RAP1GDS1: variants seen among roughly 807,000 people sequenced by gnomAD.
RAP1GDS1 encodes Rap1 GTPase-GDP dissociation stimulator 1, also known as RAP1, GTP-GDP dissociation stimulator 1.
In RAP1GDS1, 35 loss-of-function variants were observed where a neutral mutation model predicts 71.1. The observed-to-expected ratio is 0.49, with a 90% confidence interval of 0.38 to 0.65. The LOEUF is 0.65. Among genes scored for constraint, RAP1GDS1 ranks in the 30% least tolerant of loss-of-function variants. RAP1GDS1 has a pLI of 0.00. For missense variants in RAP1GDS1, 663 were observed against 706.1 expected, an observed-to-expected ratio of 0.94 and a Z score of 0.69; for synonymous variants, 229 against 243.1, an observed-to-expected ratio of 0.94 and a Z score of 0.54.
chr4:98,435,842 C>T (rs963967189), intron 13 of RAP1GDS1, among the ~76,000 whole-genome samples: 29 of 149,682 alleles, frequency 1.9e-4, no homozygotes, highest in African/African-American at 6.6e-4. Flanking sequence ...GAGGCCGAGG[C>T]GGGTGGATCA....
chr4:98,431,829 C>T (rs541933930), intron 12 of RAP1GDS1, among the ~76,000 whole-genome samples: 3 of 152,226 alleles, frequency 2.0e-5, no homozygotes, highest in East Asian at 1.9e-4. Context: ...GTGACGAATA[C>T]GATGTTTTAT....
At chr4:98,413,682 A>G (rs1008876935) in intron 7 of RAP1GDS1, among the ~76,000 whole-genome samples, 3 of 151,968 alleles carry the variant, frequency 2.0e-5, no homozygotes, top group Admixed American at 6.6e-5. Flanking sequence ...ATAAACATAC[A>G]TGTGCATGTG....
In RAP1GDS1 at chr4:98,434,008, A is replaced by G. The variant is rs1349045126; in HGVS notation, c.1513A>G (p.Ile505Val). The G allele has an allele frequency of 1.9e-6, 3 of 1,613,902 alleles. No individual in the cohort carries two copies. Among genetic ancestry groups the G allele is most frequent in the East Asian group, 4.5e-5 (2 of 44,856 alleles). ...LVTMATSEHV[I>V]MQNEALVALA... ...TACCATGGCAACTAGTGAACATGTA[A>G]TAATGCAGAATGAAGCTCTTGTTGC... Residue 505 changes from isoleucine to valine, a missense_variant, in exon 13 of 15, where the codon ATA (isoleucine) becomes GTA (valine). Transcript: ENST00000408927.
intron 5 of RAP1GDS1, among the ~76,000 whole-genome samples, chr4:98,381,706 G>C (rs575109637): frequency 2.0e-5 from 3 of 151,622 alleles, no homozygotes; most frequent in African/African-American, 7.2e-5. Flanking sequence ...GTAAAATATT[G>C]AGTGACAAAT....
At chr4:98,359,842 G>A (rs925257853) in intron 4 of RAP1GDS1, among the ~76,000 whole-genome samples, 3 of 152,138 alleles carry the variant, frequency 2.0e-5, no homozygotes, top group South Asian at 2.1e-4. Flanking sequence ...ACAGGAGGCC[G>A]GGTGTGGTGT....
At chr4:98,423,306 G>A (rs181516820) in intron 12 of RAP1GDS1, among the ~76,000 whole-genome samples, 1 of 152,304 alleles carries the variant, frequency 6.6e-6, no homozygotes, top group East Asian at 1.9e-4. Context: ...AAAGCACAGA[G>A]ATGTAAAACA....
At chr4:98,307,325 A>G (rs1350612499) in intron 2 of RAP1GDS1, among the ~76,000 whole-genome samples, 2 of 151,978 alleles carry the variant, frequency 1.3e-5, no homozygotes, top group Non-Finnish European at 2.9e-5. Flanking sequence ...AGCTTTATGG[A>G]GGAAGTTTCC....
intron 7 of RAP1GDS1, among the ~76,000 whole-genome samples, chr4:98,405,230 G>A (rs780530514): frequency 6.6e-6 from 1 of 152,090 alleles, no homozygotes; most frequent in African/African-American, 2.4e-5. Flanking sequence ...AAATAATTTA[G>A]AAGGAAACTA....
chr4:98,426,750 C>A (rs961732427), intron 12 of RAP1GDS1, among the ~76,000 whole-genome samples: 2 of 151,964 alleles, frequency 1.3e-5, no homozygotes, highest in African/African-American at 4.8e-5. Flanking sequence ...AAAAAAAAGT[C>A]CAGGACCAGA....
chr4:98,423,201 G>A (rs937712539), intron 12 of RAP1GDS1, among the ~76,000 whole-genome samples: 1 of 152,188 alleles, frequency 6.6e-6, no homozygotes, highest in Non-Finnish European at 1.5e-5. Flanking sequence ...TGCCATAGAA[G>A]GAGTGCTATT....
In RAP1GDS1 at chr4:98,288,770, C is replaced by A. The variant is rs575409874; in HGVS notation, c.5-4638C>A. 1.1e-3 allele frequency among the ~76,000 whole-genome samples: 172 copies of A among 152,208 alleles called. 1 individual carries two copies. In the South Asian group the frequency reaches 0.018, roughly 16 times the overall value. On this transcript the variant is annotated intron_variant, in intron 1 of 14. Coordinates refer to ENST00000408927, the MANE Select transcript of RAP1GDS1 (RefSeq NM_001100427.2). ...CTCATTGTGGTTTTGATTTGCATTT[C>A]TCTTAAGGCCTAGTGATGATGAGCA... is the stretch of plus-strand genomic sequence containing the variant.
rs573260072 is a variant in RAP1GDS1 at position 98,392,135 on chromosome 4, A to T, written c.637+55A>T. 323 of 1,483,068 alleles carry T rather than the reference A, an allele frequency of 2.2e-4. No homozygotes were observed. In the South Asian group the frequency reaches 4.2e-3, roughly 19 times the overall value. 91.9% of individuals were successfully genotyped at this position (1,483,068 alleles called of 1,614,324 possible). A position where few individuals can be genotyped will look rare whatever the true frequency, so the allele number is the denominator to read the frequency against. On this transcript the variant is annotated intron_variant, in intron 6 of 14. Transcript: ENST00000408927. ...ATTAACTTATTAATGTGCTTACAAT[A>T]AATTTTTCTGTAGATATTAAGAAGC...
chr4:98,356,725 TATATG>T (rs1738030390), intron 4 of RAP1GDS1, among the ~76,000 whole-genome samples: 1 of 152,064 alleles, frequency 6.6e-6, no homozygotes, highest in African/African-American at 2.4e-5. Flanking sequence ...CACTTAAGCT[TATATG>T]ATATGCTATC....
intron 2 of RAP1GDS1, among the ~76,000 whole-genome samples, chr4:98,299,547 C>T (rs181484432): frequency 9.9e-5 from 15 of 151,578 alleles, no homozygotes; most frequent in Non-Finnish European, 1.3e-4. Context: ...AAGATGTGAC[C>T]GAATTGCTAT....
chr4:98,431,456 A>G (rs765467190), intron 12 of RAP1GDS1, among the ~76,000 whole-genome samples: 1 of 152,258 alleles, frequency 6.6e-6, no homozygotes, highest in African/African-American at 2.4e-5. Flanking sequence ...AATTGTTAGC[A>G]TGGATAATTT....
At chr4:98,267,512 A>T (rs746008400) in intron 1 of RAP1GDS1, among the ~76,000 whole-genome samples, 39 of 152,188 alleles carry the variant, frequency 2.6e-4, no homozygotes, top group Middle Eastern at 6.8e-3. Context: ...CCCCTCTAGT[A>T]GTCCCCAGTA....
At chr4:98,423,667 C>T (rs1234896825) in intron 12 of RAP1GDS1, among the ~76,000 whole-genome samples, 1 of 152,114 alleles carries the variant, frequency 6.6e-6, no homozygotes, top group East Asian at 1.9e-4. Flanking sequence ...GCCTCAGCCT[C>T]CTGAGTAGCT....
chr4:98,269,587 A>C (rs1723168566), intron 1 of RAP1GDS1, among the ~76,000 whole-genome samples: 1 of 152,190 alleles, frequency 6.6e-6, no homozygotes, highest in Non-Finnish European at 1.5e-5. Context: ...AGGGGTTAAC[A>C]CGTAAAAATA....
At chr4:98,280,988 T>C (rs937161153) in intron 1 of RAP1GDS1, among the ~76,000 whole-genome samples, 4 of 152,244 alleles carry the variant, frequency 2.6e-5, no homozygotes, top group Non-Finnish European at 4.4e-5. Context: ...TTGGTACCAG[T>C]ACCATGCTGT....
Sources: gnomAD v4.1 joint callset for allele counts (sites outside exome capture counted in the v4.1 genomes callset) on GRCh38, gnomAD v4.1.1 for gene constraint, MANE v1.5 for transcripts, NCBI Gene and HGNC (gene_info 2026-07-23, HGNC 2026-07-21) for gene names.